Variants in CCDC171 observed in about 807,000 individuals in gnomAD.
CCDC171 encodes coiled-coil domain containing 171, also known as coiled-coil domain-containing protein 171.
Under a neutral mutation model 168.2 loss-of-function variants are expected in CCDC171, and 177 were observed. The ratio of observed to expected loss-of-function variants is 1.05; its 90% CI spans 0.93 to 1.19. The LOEUF is 1.19. Ranked by LOEUF, CCDC171 falls within the 50% of genes most tolerant of loss-of-function variation. The pLI, the probability that CCDC171 is intolerant of heterozygous loss-of-function variation, is 0.00. For synonymous variants in CCDC171, 687 were observed against 540.8 expected (o/e 1.27, Z -3.75); for missense variants, 1,991 against 1,539.0 (o/e 1.29, Z -4.91).
intron 25 of CCDC171, among the ~76,000 whole-genome samples, chr9:15,950,152 G>C (rs556221828): frequency 9.9e-5 from 15 of 152,262 alleles, no homozygotes; most frequent in African/African-American, 3.6e-4. Flanking sequence ...CGTCTGATTG[G>C]TGTACCTGAA....
intron 21 of CCDC171, among the ~76,000 whole-genome samples, chr9:15,786,602 C>T (rs946459431): frequency 3.3e-5 from 5 of 152,206 alleles, no homozygotes; most frequent in Non-Finnish European, 7.4e-5. Flanking sequence ...GGCCTCTGAG[C>T]TGAAGCTCAG....
chr9:15,779,452 C>T (rs553926739), intron 20 of CCDC171, among the ~76,000 whole-genome samples: 3 of 152,044 alleles, frequency 2.0e-5, no homozygotes, highest in Non-Finnish European at 4.4e-5. Context: ...CTCTGCCCCC[C>T]GGGTTCAAGT....
At chr9:15,700,398 G>A (rs2051625893) in intron 11 of CCDC171, among the ~76,000 whole-genome samples, 1 of 152,188 alleles carries the variant, frequency 6.6e-6, no homozygotes, top group Admixed American at 6.5e-5. Flanking sequence ...GCTGCGCGCA[G>A]CCCCGGTTCC....
chr9:15,709,925 A>T lies in CCDC171; in HGVS notation c.1319-11844A>T, dbSNP rs544897600. Among the ~76,000 whole-genome samples the T allele has an allele frequency of 1.7e-4, 26 of 152,246 alleles. No homozygotes were observed. The South Asian group carries it at 5.0e-3, about 29-fold the overall frequency. ...TGTTGCCCTCATCACTCAGATCAAC[A>T]TTTATCAACTTAAGAACCAATTTTG... On this transcript the variant is annotated intron_variant, in intron 11 of 25. Transcript: ENST00000380701.
chr9:15,999,266 G>T (rs866864023), intron 3 of CCDC171, among the ~76,000 whole-genome samples: 1 of 141,260 alleles, frequency 7.1e-6, no homozygotes, highest in African/African-American at 2.6e-5. Context: ...GAGAGAAAGA[G>T]AAAGAAAGAA....
downstream of CCDC171, among the ~76,000 whole-genome samples, chr9:16,063,303 C>T (rs990405806): frequency 6.6e-6 from 1 of 152,130 alleles, no homozygotes; most frequent in Non-Finnish European, 1.5e-5. Context: ...AACATCACTA[C>T]CTGGCGGGCA....
chr9:15,983,620 C>T (rs1302952108), intron 3 of CCDC171, among the ~76,000 whole-genome samples: 3 of 151,860 alleles, frequency 2.0e-5, no homozygotes, highest in African/African-American at 4.8e-5. Flanking sequence ...GTCTCACAGG[C>T]ATTTGTTCCT....
intron 7 of CCDC171, among the ~76,000 whole-genome samples, chr9:15,632,941 A>G (rs971650868): frequency 6.6e-6 from 1 of 152,236 alleles, no homozygotes; most frequent in African/African-American, 2.4e-5. Context: ...CTGTTTAATA[A>G]ATGGTGCTGG....
chr9:16,065,294 T>C (rs1564141709), downstream of CCDC171, among the ~76,000 whole-genome samples: 1 of 152,182 alleles, frequency 6.6e-6, no homozygotes, highest in Admixed American at 6.5e-5. Context: ...CCCAGAGAGC[T>C]GGCTGGCTGT....
chr9:15,565,006 G>T (rs1044745883), intron 2 of CCDC171, among the ~76,000 whole-genome samples: 11 of 151,954 alleles, frequency 7.2e-5, no homozygotes, highest in Admixed American at 1.3e-4. Context: ...GGATGTGTGG[G>T]TGGGACAAGT....
chr9:16,002,066 A>T (rs2987039), intron 3 of CCDC171, among the ~76,000 whole-genome samples: 62,211 of 149,756 alleles, frequency 0.42, 13,099 homozygotes, highest in South Asian at 0.52. Flanking sequence ...TGACTCAAGC[A>T]ATCCTCCCAC....
intron 24 of CCDC171, among the ~76,000 whole-genome samples, chr9:15,878,670 C>A (rs966132450): frequency 1.1e-4 from 17 of 152,248 alleles, no homozygotes; most frequent in African/African-American, 4.1e-4. Flanking sequence ...CATAAAGACA[C>A]ATGCAGGCAT....
chr9:15,641,120 T>C (rs1021504824), intron 7 of CCDC171, among the ~76,000 whole-genome samples: 6 of 152,154 alleles, frequency 3.9e-5, no homozygotes, highest in Non-Finnish European at 7.4e-5. Context: ...TTATTACTTA[T>C]GAAAACATCT....
intron 9 of CCDC171, 91 bp downstream of exon 9, chr9:15,666,414 T>A (rs1276732254): frequency 1.2e-6 from 1 of 838,576 alleles, no homozygotes; most frequent in Admixed American, 2.8e-5. Flanking sequence ...ATTTTAGATA[T>A]AGCTCCCATT....
At chr9:15,933,956 A>G (rs1450833815) in intron 25 of CCDC171, among the ~76,000 whole-genome samples, 2 of 152,034 alleles carry the variant, frequency 1.3e-5, no homozygotes, top group Admixed American at 6.6e-5. Context: ...AAAAGCATGG[A>G]AAGACTCTAT....
At chr9:15,970,200 A>T (rs1589279442) in intron 25 of CCDC171, among the ~76,000 whole-genome samples, 1 of 152,180 alleles carries the variant, frequency 6.6e-6, no homozygotes, top group South Asian at 2.1e-4. Context: ...TTTTTTCTCC[A>T]GTTGTAGTTT....
intron 9 of CCDC171, among the ~76,000 whole-genome samples, chr9:15,670,569 T>A (rs1049481388): frequency 6.6e-6 from 1 of 152,126 alleles, no homozygotes; most frequent in East Asian, 1.9e-4. Context: ...TTTCTACCTT[T>A]AAATATCTAT....
At chr9:15,639,824 A>T (rs1316356952) in intron 7 of CCDC171, among the ~76,000 whole-genome samples, 1 of 152,200 alleles carries the variant, frequency 6.6e-6, no homozygotes, top group Non-Finnish European at 1.5e-5. Flanking sequence ...GGATTCTGGA[A>T]AACAAATATG....
At chr9:15,908,594 A>T (rs1823106854) in intron 24 of CCDC171, among the ~76,000 whole-genome samples, 1 of 152,232 alleles carries the variant, frequency 6.6e-6, no homozygotes, top group South Asian at 2.1e-4. Flanking sequence ...TACATGGCAC[A>T]TGTATACATA....
Sources: gnomAD v4.1 joint callset for allele counts (sites outside exome capture counted in the v4.1 genomes callset) on GRCh38, gnomAD v4.1.1 for gene constraint, MANE v1.5 for transcripts, NCBI Gene and HGNC (gene_info 2026-07-23, HGNC 2026-07-21) for gene names.